The following GPAT3 variants were observed in gnomAD, a reference collection of about 807,000 sequenced individuals.
The protein encoded by GPAT3 is 1-AGP acyltransferase 9.
In GPAT3, 53 loss-of-function variants were observed where a neutral mutation model predicts 58.8. The ratio of observed to expected loss-of-function variants is 0.90; its 90% CI spans 0.72 to 1.13. The LOEUF is 1.13. GPAT3 is among the 50% of genes most tolerant of loss of function. GPAT3 has a pLI of 0.00. For synonymous variants in GPAT3, 197 were observed against 187.4 expected (o/e 1.05, Z -0.42); for missense variants, 511 against 527.6 (o/e 0.97, Z 0.31).
At chr4:83,580,956 T>G (rs908286142) in intron 2 of GPAT3, among the ~76,000 whole-genome samples, 4 of 151,642 alleles carry the variant, frequency 2.6e-5, no homozygotes, top group Admixed American at 6.6e-5. Flanking sequence ...ATTAGCCGAC[T>G]GTGGTGGCGG....
intron 2 of GPAT3, among the ~76,000 whole-genome samples, chr4:83,558,213 TA>T (rs1303582348): frequency 6.1e-4 from 89 of 145,760 alleles, no homozygotes; most frequent in Admixed American, 4.8e-4. Flanking sequence ...GCCTCTGTCT[TA>T]AAAAAAAAAA....
intron 5 of GPAT3, among the ~76,000 whole-genome samples, chr4:83,589,748 T>C (rs1425948193): frequency 2.0e-5 from 3 of 152,070 alleles, no homozygotes; most frequent in Non-Finnish European, 4.4e-5. Flanking sequence ...TACCTAGAGA[T>C]CACCTTTTAA....
chr4:83,578,967 T>TCTTTCTTG (rs1725941137), intron 2 of GPAT3, among the ~76,000 whole-genome samples: 1 of 126,138 alleles, frequency 7.9e-6, no homozygotes, highest in African/African-American at 3.4e-5. Flanking sequence ...TTTCTTTCTT[T>TCTTTCTTG]CTTTCTTTCT....
At chr4:83,540,386 G>A (rs1373184830) in intron 1 of GPAT3, among the ~76,000 whole-genome samples, 1 of 152,176 alleles carries the variant, frequency 6.6e-6, no homozygotes, top group Non-Finnish European at 1.5e-5. Context: ...GTGATGCCTT[G>A]AGACAGATAT....
chr4:83,574,386 TCTG>T (rs1725708336), intron 2 of GPAT3, among the ~76,000 whole-genome samples: 1 of 152,226 alleles, frequency 6.6e-6, no homozygotes, highest in Non-Finnish European at 1.5e-5. Context: ...GGTTTCAACT[TCTG>T]CCTTCATTTC....
At chr4:83,569,555 G>A (rs72654972) in intron 2 of GPAT3, among the ~76,000 whole-genome samples, 26,785 of 152,176 alleles carry the variant, frequency 0.18, 2,951 homozygotes, top group East Asian at 0.31. Context: ...TGTCATCTGT[G>A]AGATGTGTAG....
intron 11 of GPAT3, among the ~76,000 whole-genome samples, chr4:83,599,530 T>G (rs1479807981): frequency 2.6e-5 from 4 of 152,190 alleles, no homozygotes; most frequent in African/African-American, 9.6e-5. Flanking sequence ...AGGGTTCTTT[T>G]TCTTATGAAG....
intron 1 of GPAT3, among the ~76,000 whole-genome samples, chr4:83,544,011 T>C (rs1018640691): frequency 1.3e-5 from 2 of 152,220 alleles, no homozygotes; most frequent in African/African-American, 4.8e-5. Flanking sequence ...TTATTTCTGA[T>C]GCATCTTTGA....
In GPAT3 at chr4:83,596,897, A is replaced by G. The variant is rs1378641056; in HGVS notation, c.894A>G (p.Ile298Met). The G allele has an allele frequency of 2.5e-6, 4 of 1,600,262 alleles. No homozygotes were observed. The highest frequency in any genetic ancestry group is 2.5e-6 in the Non-Finnish European group (3 of 1,176,614). ...TTGCTGATAAGAAGAAACTACCCAT[A>G]CTAATTTTTCCTGAAGGTAAGAATG... Reference protein sequence around the residue: ...EHIADKKKLPILIFPEGTCIN... With the variant: ...EHIADKKKLPMLIFPEGTCIN... Residue 298 changes from isoleucine (I) to methionine (M), a missense_variant, in exon 8 of 12, where the codon ATA becomes ATG. Ile to Met is a conservative substitution (Grantham distance 10). Coordinates refer to ENST00000264409, the MANE Select transcript of GPAT3 (RefSeq NM_032717.5).
At chr4:83,561,109 A>T (rs1212169471) in intron 2 of GPAT3, among the ~76,000 whole-genome samples, 1 of 152,238 alleles carries the variant, frequency 6.6e-6, no homozygotes, top group African/African-American at 2.4e-5. Flanking sequence ...CATAGCAAAT[A>T]ACACCCTTCT....
intron 2 of GPAT3, among the ~76,000 whole-genome samples, chr4:83,568,116 A>G (rs1299583589): frequency 6.6e-6 from 1 of 151,988 alleles, no homozygotes; most frequent in Non-Finnish European, 1.5e-5. Flanking sequence ...TGGATTAAGT[A>G]GTGGGGTGTG....
chr4:83,586,236 A>G (rs2110101614), intron 3 of GPAT3, among the ~76,000 whole-genome samples: 1 of 152,330 alleles, frequency 6.6e-6, no homozygotes, highest in South Asian at 2.1e-4. Context: ...TTATGCTCCA[A>G]ATATCTGATC....
intron 10 of GPAT3, 192 bp from the exon 11 acceptor site, chr4:83,598,452 T>G (rs1462653772): frequency 1.4e-6 from 1 of 712,678 alleles, no homozygotes; most frequent in Non-Finnish European, 2.3e-6. Context: ...ATGCACATGG[T>G]AAAAAATTAA....
At position 83,594,900 on chromosome 4, in the gene GPAT3, C is replaced by A. The variant is rs780918250; in HGVS notation, c.794C>A (p.Ala265Asp). The A allele has an allele frequency of 1.9e-6, 3 of 1,613,868 alleles. No homozygotes were observed. The African/African-American group carries it at 4.0e-5, about 22-fold the overall frequency. Residue 265 changes from alanine (A) to aspartate (D), a missense_variant, in exon 7 of 12, where the codon GCT (alanine) becomes GAT (aspartate). By Grantham distance (126) the Ala-to-Asp change is moderately radical. Coordinates refer to ENST00000264409, the MANE Select transcript of GPAT3 (RefSeq NM_032717.5). ...MGIIQRAMVKACPHVWFERSE... is the reference protein window; with the variant it reads ...MGIIQRAMVKDCPHVWFERSE... ...ATTATTCAGAGAGCTATGGTCAAGG[C>A]TTGTCCTCATGTCTGGTTTGAACGC...
intron 2 of GPAT3, among the ~76,000 whole-genome samples, chr4:83,565,784 C>T (rs1176539497): frequency 1.3e-5 from 2 of 152,190 alleles, no homozygotes; most frequent in Non-Finnish European, 2.9e-5. Flanking sequence ...ACCGGAGCGT[C>T]GGAGGCTTGC....
chr4:83,562,884 A>G (rs553034910), intron 2 of GPAT3, among the ~76,000 whole-genome samples: 26 of 152,308 alleles, frequency 1.7e-4, no homozygotes, highest in Admixed American at 1.5e-3. Flanking sequence ...CTTGTGGGCT[A>G]TATTTTTCTC....
chr4:83,564,356 A>G (rs1042078154), intron 2 of GPAT3, among the ~76,000 whole-genome samples: 1 of 152,142 alleles, frequency 6.6e-6, no homozygotes, highest in African/African-American at 2.4e-5. Context: ...TTTTTTGACC[A>G]TTATTCTGTC....
intron 2 of GPAT3, among the ~76,000 whole-genome samples, chr4:83,579,702 G>A (rs1726034551): frequency 6.6e-6 from 1 of 152,138 alleles, no homozygotes; most frequent in African/African-American, 2.4e-5. Flanking sequence ...AGCCCTGTAA[G>A]AAAACTAAAT....
chr4:83,576,353 C>G (rs1238080313), intron 2 of GPAT3, among the ~76,000 whole-genome samples: 2 of 151,766 alleles, frequency 1.3e-5, no homozygotes, highest in Non-Finnish European at 2.9e-5. Context: ...AGAAAAAGCT[C>G]GTTAAGGTGG....
Sources: allele counts gnomAD v4.1 joint callset (sites outside exome capture counted in the v4.1 genomes callset), GRCh38; gene constraint gnomAD v4.1.1; transcripts MANE v1.5; gene names NCBI Gene and HGNC (gene_info 2026-07-23, HGNC 2026-07-21).